SLC9C1: variants seen among roughly 807,000 people sequenced by gnomAD.
The protein encoded by SLC9C1 is sodium/hydrogen exchanger 10.
SLC9C1 carries 97 observed loss-of-function variants against 140.9 expected under a neutral mutation model. The ratio of observed to expected loss-of-function variants is 0.69; its 90% CI spans 0.58 to 0.82. SLC9C1 has a LOEUF of 0.82. Among genes scored for constraint, SLC9C1 ranks in the 40% least tolerant of loss-of-function variants. The pLI, the probability that SLC9C1 is intolerant of heterozygous loss-of-function variation, is 0.00. For missense variants in SLC9C1, 1,340 were observed against 1,389.3 expected (o/e 0.96, Z 0.56); for synonymous variants, 440 against 442.6 (o/e 0.99, Z 0.07).
At chr3:112,191,895 C>A (rs1453002922) in intron 20 of SLC9C1, among the ~76,000 whole-genome samples, 1 of 151,984 alleles carries the variant, frequency 6.6e-6, no homozygotes, top group Non-Finnish European at 1.5e-5. Flanking sequence ...TGCAATGTCC[C>A]TTAATATTAT....
rs2078531133 is a variant in SLC9C1, at chr3:112,221,174, G to A, written c.1624C>T (p.Gln542Ter). The A allele has an allele frequency of 6.2e-7, 1 of 1,613,494 alleles. No individual in the cohort carries two copies. Among genetic ancestry groups the A allele is most frequent in the Non-Finnish European group, 8.5e-7 (1 of 1,179,678 alleles). ...RNEILSQSAV[Q>*]VLVGAAESFG... ...CTTTCTGCTGCACCAACCAACACCT[G>A]GACAGCACTCTGGGACAGAATCTCA... Residue 542 changes from glutamine (Q) to a stop codon, truncating the protein, a stop_gained, in exon 14 of 29, where the codon CAG becomes TAG. Transcript: ENST00000305815. LOFTEE classifies it high-confidence loss of function.
intron 26 of SLC9C1, among the ~76,000 whole-genome samples, chr3:112,165,947 A>G (rs569167383): frequency 6.6e-6 from 1 of 152,238 alleles, no homozygotes; most frequent in African/African-American, 2.4e-5. Context: ...CGCTTTGTTT[A>G]CCTACTCAAG....
Position 112,280,698 on chromosome 3 carries a change from G to A in SLC9C1, c.174C>T (p.Ser58=). 6.2e-7 allele frequency: 1 copy of A among 1,610,058 alleles called. No homozygotes were observed. ...FLLGCSFEVL[S]FTSSQVQRYA... is the part of the protein sequence containing the mutation. The stretch of plus-strand genomic sequence containing the variant: ...CAATACACACCTGTGAAGATGTAAA[G>A]CTTAATACTTCAAAACTGCATCCAA... The change falls in exon 3 of 29, where the codon AGC becomes AGT. Residue 58 remains serine (S), a synonymous_variant. Coordinates refer to ENST00000305815, the MANE Select transcript of SLC9C1 (RefSeq NM_183061.3).
At position 112,151,951 on chromosome 3, in the gene SLC9C1, T is replaced by A; in HGVS notation, c.3430A>T (p.Ser1144Cys). Reference sequence around the variant, plus strand: ...TGGGGACTCCTGGCAGTGGCGGCACTGTGTGCTCCATCCTGGGATTCAAAA... The same window carrying A: ...TGGGGACTCCTGGCAGTGGCGGCACAGTGTGCTCCATCCTGGGATTCAAAA... ...ERNVKEDGAH[S>C]AATARSPQPC... Residue 1144 changes from serine to cysteine, a missense_variant, in exon 28 of 29, where the codon AGT becomes TGT. By Grantham distance (112) the Ser-to-Cys change is moderately radical. Coordinates refer to ENST00000305815, the MANE Select transcript of SLC9C1 (RefSeq NM_183061.3). 6.3e-7 allele frequency: 1 copy of A among 1,595,150 alleles called. No individual in the cohort carries two copies. Among genetic ancestry groups the A allele is most frequent in the South Asian group, 1.1e-5 (1 of 87,166 alleles).
At chr3:112,261,504 G>A (rs2079770940) in intron 10 of SLC9C1, among the ~76,000 whole-genome samples, 1 of 151,980 alleles carries the variant, frequency 6.6e-6, no homozygotes, top group Non-Finnish European at 1.5e-5. Flanking sequence ...TAACTTATGA[G>A]TAGTAGAGAC....
At chr3:112,271,677 G>A (rs1301319892) in intron 6 of SLC9C1, among the ~76,000 whole-genome samples, 2 of 152,014 alleles carry the variant, frequency 1.3e-5, no homozygotes, top group African/African-American at 4.8e-5. Context: ...AGAGATATAT[G>A]AAGGAACAAG....
intron 10 of SLC9C1, among the ~76,000 whole-genome samples, chr3:112,253,739 C>T (rs1481382618): frequency 2.0e-5 from 3 of 152,282 alleles, no homozygotes; most frequent in African/African-American, 7.2e-5. Context: ...CTCCAAATGA[C>T]CACACTAGTT....
Position 112,198,877 on chromosome 3 carries a change from G to T in SLC9C1, c.2523+444C>A, listed in dbSNP as rs985101715. On this transcript the variant is annotated intron_variant, in intron 20 of 28. Transcript: ENST00000305815. Reference sequence around the variant, plus strand: ...CAAGTTTGTACTTACAGAATGAATTGGGATTCTTTCTATCCTTTATATGTC... The same window carrying T: ...CAAGTTTGTACTTACAGAATGAATTTGGATTCTTTCTATCCTTTATATGTC... Among the ~76,000 whole-genome samples the T allele has an allele frequency of 5.3e-5, 8 of 151,704 alleles. No homozygotes were observed. The East Asian group carries it at 5.8e-4, about 11-fold the overall frequency.
intron 16 of SLC9C1, among the ~76,000 whole-genome samples, chr3:112,207,186 A>G (rs931749535): frequency 2.0e-5 from 3 of 152,148 alleles, no homozygotes; most frequent in African/African-American, 7.2e-5. Flanking sequence ...GTTTCTTGAA[A>G]CCTAGTATAG....
chr3:112,239,203 G>A (rs1224293412), intron 12 of SLC9C1, among the ~76,000 whole-genome samples: 1 of 152,198 alleles, frequency 6.6e-6, no homozygotes, highest in Non-Finnish European at 1.5e-5. Flanking sequence ...TTTGATCTCA[G>A]ACTGCTATGC....
chr3:112,286,582 TA>T, intron 2 of SLC9C1, 121 bp downstream of exon 2: 1 of 746,236 alleles, frequency 1.3e-6, no homozygotes, highest in Non-Finnish European at 2.1e-6. Flanking sequence ...AATATTGAGC[TA>T]AAGGTATAAG....
In SLC9C1 at chr3:112,155,067, A is replaced by AC. The variant is rs763385348; in HGVS notation, c.3365-19_3365-18insG. ...AACTGAACCTGATTAAAAAAAAAAA[A>AC]AACAGTGTTAATTCAACCACTGAAG... On this transcript the variant is annotated intron_variant, in intron 26 of 28. Transcript: ENST00000305815. 9 of 1,595,522 alleles carry AC rather than the reference A, an allele frequency of 5.6e-6. No individual in the cohort carries two copies. The highest frequency in any genetic ancestry group is 2.2e-5 in the East Asian group (1 of 44,722).
At chr3:112,213,793 GAAC>G (rs2078276741) in intron 15 of SLC9C1, among the ~76,000 whole-genome samples, 1 of 152,156 alleles carries the variant, frequency 6.6e-6, no homozygotes, top group Admixed American at 6.5e-5. Context: ...ACATTGGACA[GAAC>G]AACGAGACAG....
chr3:112,285,298 G>A (rs1475396336), intron 2 of SLC9C1, among the ~76,000 whole-genome samples: 2 of 152,198 alleles, frequency 1.3e-5, no homozygotes, highest in Non-Finnish European at 2.9e-5. Context: ...GAGAGCAGAG[G>A]TATGATCTCG....
In SLC9C1 at chr3:112,257,931, C is replaced by A. The variant is rs9834079; in HGVS notation, c.1197+4993G>T. Among the ~76,000 whole-genome samples the A allele has an allele frequency of 9.9e-3, 1,513 of 152,262 alleles. 26 individuals are homozygous for A. The highest frequency in any genetic ancestry group is 0.034 in the African/African-American group (1,411 of 41,550). On this transcript the variant is annotated intron_variant, in intron 10 of 28. Transcript: ENST00000305815. ...AGAAGACGTACATGCAGCTAACAAG[C>A]ATATTTTAAAAAGCTCAGTATCATT...
chr3:112,176,526 G>A (rs1207771684), intron 23 of SLC9C1, among the ~76,000 whole-genome samples: 1 of 152,138 alleles, frequency 6.6e-6, no homozygotes, highest in Non-Finnish European at 1.5e-5. Flanking sequence ...CTCCATGATG[G>A]TTTTTACCGA....
chr3:112,204,681 A>G (rs12489470), intron 16 of SLC9C1, among the ~76,000 whole-genome samples: 115,181 of 151,970 alleles, frequency 0.76, 44,032 homozygotes, highest in East Asian at 0.99. Context: ...AGCGACAATG[A>G]AAAGGCAAAT....
Position 112,270,057 on chromosome 3 carries a change from T to C in SLC9C1, c.634A>G (p.Ile212Val). The C allele has an allele frequency of 6.4e-7, 1 of 1,570,056 alleles. No homozygotes were observed. The highest frequency in any genetic ancestry group is 2.3e-5 in the East Asian group (1 of 42,826). ...AAACTTGCTATAATATATGAACAAA[T>C]TCCACCCACGATCTCTTCAGCTACA... ...HTLAEEIVGGICSYIIASFLF... is the reference protein window; with the variant it reads ...HTLAEEIVGGVCSYIIASFLF... Residue 212 changes from isoleucine (I) to valine (V), a missense_variant, in exon 7 of 29, where the codon ATT becomes GTT. Coordinates refer to ENST00000305815, the MANE Select transcript of SLC9C1 (RefSeq NM_183061.3).
At chr3:112,211,879 C>G (rs1460938342) in intron 15 of SLC9C1, among the ~76,000 whole-genome samples, 2 of 152,226 alleles carry the variant, frequency 1.3e-5, no homozygotes. Context: ...AGCACGGAGT[C>G]TGAGATCTGA....
Sources: allele counts gnomAD v4.1 joint callset (sites outside exome capture counted in the v4.1 genomes callset), GRCh38; gene constraint gnomAD v4.1.1; transcripts MANE v1.5; gene names NCBI Gene and HGNC (gene_info 2026-07-23, HGNC 2026-07-21).